NWD2: variants seen among roughly 807,000 people sequenced by gnomAD.
NWD2 encodes the protein NACHT and WD repeat domain-containing protein 2.
NWD2 carries 37 observed loss-of-function variants against 132.7 expected under a neutral mutation model. That is an observed-to-expected ratio of 0.28 (90% CI 0.21 to 0.37). The LOEUF is 0.37. NWD2 is among the 10% of genes least tolerant of loss of function. NWD2 has a pLI of 1.00. For synonymous variants in NWD2, 705 were observed against 803.0 expected (o/e 0.88, Z 2.06); for missense variants, 1,592 against 2,122.4 (o/e 0.75, Z 4.91).
At chr4:37,291,750 G>C (rs1283108432) in intron 1 of NWD2, among the ~76,000 whole-genome samples, 1 of 152,022 alleles carries the variant, frequency 6.6e-6, no homozygotes, top group Admixed American at 6.6e-5. Context: ...AACTGTATCA[G>C]TGTTTTTCAT....
chr4:37,262,202 T>C (rs1053236234), intron 1 of NWD2, among the ~76,000 whole-genome samples: 5 of 152,202 alleles, frequency 3.3e-5, no homozygotes, highest in African/African-American at 1.2e-4. Context: ...GCATGTTATC[T>C]CATTGTAATT....
chr4:37,413,241 C>A (rs1050270097), intron 3 of NWD2, among the ~76,000 whole-genome samples: 2 of 152,134 alleles, frequency 1.3e-5, no homozygotes, highest in African/African-American at 2.4e-5. Flanking sequence ...GGGCTAATAT[C>A]CAGAATCTAC....
At chr4:37,252,693 C>G (rs946254063) in intron 1 of NWD2, among the ~76,000 whole-genome samples, 4 of 152,186 alleles carry the variant, frequency 2.6e-5, no homozygotes, top group African/African-American at 9.7e-5. Context: ...GTCTGGCACC[C>G]AGTTCTCCTC....
chr4:37,259,423 T>C (rs1036042049), intron 1 of NWD2, among the ~76,000 whole-genome samples: 10 of 152,144 alleles, frequency 6.6e-5, no homozygotes, highest in African/African-American at 2.4e-4. Context: ...GCTCAGTAAA[T>C]ACTTGCTGAA....
intron 1 of NWD2, among the ~76,000 whole-genome samples, chr4:37,263,443 C>T (rs1183257308): frequency 1.3e-5 from 2 of 152,108 alleles, no homozygotes; most frequent in African/African-American, 4.8e-5. Context: ...GGCTCTGGAT[C>T]AGAAAGTGCT....
chr4:37,353,493 G>A (rs1028624170), intron 2 of NWD2, among the ~76,000 whole-genome samples: 1 of 152,062 alleles, frequency 6.6e-6, no homozygotes, highest in Non-Finnish European at 1.5e-5. Flanking sequence ...ATCAAACTTA[G>A]GTTTGGTCTT....
intron 1 of NWD2, among the ~76,000 whole-genome samples, chr4:37,318,720 ATAT>A (rs35400017): frequency 0.072 from 11,009 of 151,946 alleles, 1,215 homozygotes; most frequent in African/African-American, 0.24. Flanking sequence ...AATTATAATA[ATAT>A]TATAATATTT....
intron 2 of NWD2, among the ~76,000 whole-genome samples, chr4:37,327,421 G>A (rs924964259): frequency 3.3e-5 from 5 of 152,128 alleles, no homozygotes; most frequent in African/African-American, 9.7e-5. Flanking sequence ...TAAATTGACA[G>A]GATTATTCTA....
intron 1 of NWD2, among the ~76,000 whole-genome samples, chr4:37,309,930 G>A (rs1289356783): frequency 2.0e-5 from 3 of 152,284 alleles, no homozygotes; most frequent in East Asian, 3.9e-4. Flanking sequence ...AAGGAAGCAG[G>A]CTCTTCTACT....
At chr4:37,356,749 C>A (rs1246715591) in intron 3 of NWD2, among the ~76,000 whole-genome samples, 1 of 152,132 alleles carries the variant, frequency 6.6e-6, no homozygotes, top group African/African-American at 2.4e-5. Flanking sequence ...TCTACAACAC[C>A]TTGTGATCAA....
intron 3 of NWD2, among the ~76,000 whole-genome samples, chr4:37,413,827 T>C (rs1721209854): frequency 6.6e-6 from 1 of 152,134 alleles, no homozygotes; most frequent in African/African-American, 2.4e-5. Context: ...TGCAGAGACA[T>C]GGATGAAGCT....
At chr4:37,440,342 A>T (rs1712449057) in intron 6 of NWD2, among the ~76,000 whole-genome samples, 1 of 152,170 alleles carries the variant, frequency 6.6e-6, no homozygotes, top group Non-Finnish European at 1.5e-5. Flanking sequence ...AGCACATGGG[A>T]AACACTCAGG....
chr4:37,251,908 A>G (rs1717371998), intron 1 of NWD2, among the ~76,000 whole-genome samples: 1 of 152,238 alleles, frequency 6.6e-6, no homozygotes, highest in Non-Finnish European at 1.5e-5. Context: ...GGTGCTTAGC[A>G]TACAGAAAAG....
intron 3 of NWD2, among the ~76,000 whole-genome samples, chr4:37,377,979 T>C (rs1038951825): frequency 6.6e-6 from 1 of 152,164 alleles, no homozygotes; most frequent in Admixed American, 6.5e-5. Flanking sequence ...ATTGTAAACA[T>C]AGCAAAACAG....
At chr4:37,379,072 C>T (rs1560408336) in intron 3 of NWD2, among the ~76,000 whole-genome samples, 1 of 152,184 alleles carries the variant, frequency 6.6e-6, no homozygotes. Context: ...TCCTCACTTA[C>T]CCCACTCAAC....
At chr4:37,424,801 T>G (rs1305211432) in intron 3 of NWD2, among the ~76,000 whole-genome samples, 8 of 152,152 alleles carry the variant, frequency 5.3e-5, no homozygotes, top group African/African-American at 1.9e-4. Flanking sequence ...CAGAGTAAAG[T>G]CAAAGACACA....
At chr4:37,336,966 A>AC (rs1203974618) in intron 2 of NWD2, among the ~76,000 whole-genome samples, 2 of 151,286 alleles carry the variant, frequency 1.3e-5, no homozygotes, top group Admixed American at 6.6e-5. Context: ...AAAAAAAAAA[A>AC]AAAAACAAGA....
chr4:37,437,930 T>C (rs1363008560), intron 5 of NWD2, among the ~76,000 whole-genome samples: 2 of 152,192 alleles, frequency 1.3e-5, no homozygotes, highest in East Asian at 1.9e-4. Context: ...ATCACCCAGA[T>C]TGATCAGTCA....
rs779860584 is a variant in NWD2 at position 37,446,731 on chromosome 4, C to T, written c.4743C>T (p.Tyr1581=). 6.4e-7 allele frequency: 1 copy of T among 1,551,270 alleles called. No individual in the cohort carries two copies. Among genetic ancestry groups the T allele is most frequent in the Non-Finnish European group, 8.7e-7 (1 of 1,146,950 alleles). ...CTCGGGATGGTCGCTACCTGGTATACATTTGTTTCCGAAATGGGGAGGAGG... is the reference window on the plus strand; with the variant it reads ...CTCGGGATGGTCGCTACCTGGTATATATTTGTTTCCGAAATGGGGAGGAGG... The part of the protein sequence containing the change: ...RLSRDGRYLV[Y]ICFRNGEEED... Residue 1581 remains tyrosine, a synonymous_variant, in exon 7 of 7, where the codon TAC becomes TAT. Coordinates refer to ENST00000309447, the MANE Select transcript of NWD2 (RefSeq NM_001144990.2). This position sits in a 1 kb window ranked among gnomAD's most constrained non-coding sequence, Gnocchi z 6.7.
Sources: gnomAD v4.1 joint callset for allele counts (sites outside exome capture counted in the v4.1 genomes callset) on GRCh38, gnomAD v4.1.1 for gene constraint, Gnocchi (gnomAD v3.1) non-coding constraint, MANE v1.5 for transcripts, NCBI Gene and HGNC (gene_info 2026-07-23, HGNC 2026-07-21) for gene names.